SEPTIN14: variants seen among roughly 807,000 people sequenced by gnomAD.
SEPTIN14 encodes septin-14.
A neutral mutation model predicts 53.6 loss-of-function variants in SEPTIN14; 40 were observed. That is an observed-to-expected ratio of 0.75 (90% confidence interval 0.58 to 0.97). SEPTIN14 has a LOEUF of 0.97. Among genes scored for constraint, SEPTIN14 ranks in the 50% least tolerant of loss-of-function variants. SEPTIN14 has a pLI of 0.00. For synonymous variants in SEPTIN14, 138 were observed against 166.8 expected (o/e 0.83, Z 1.33); for missense variants, 471 against 508.2 (o/e 0.93, Z 0.70).
At chr7:55,818,861 C>T (rs1244103278) in intron 7 of SEPTIN14, among the ~76,000 whole-genome samples, 1 of 152,102 alleles carries the variant, frequency 6.6e-6, no homozygotes, top group Non-Finnish European at 1.5e-5. Context: ...ACATTGGGAG[C>T]GTTGGGATAG....
chr7:55,801,256 A>G, intron 9 of SEPTIN14, among the ~76,000 whole-genome samples: 1 of 152,036 alleles, frequency 6.6e-6, no homozygotes, highest in East Asian at 1.9e-4. Context: ...CAATGAACTA[A>G]GTGTTTTTTA....
rs564859067 is a variant in SEPTIN14 at position 55,845,818 on chromosome 7, G to A, written c.175+699C>T. 3.0e-3 allele frequency among the ~76,000 whole-genome samples: 461 copies of A among 151,494 alleles called. 9 individuals are homozygous for A. In the Middle Eastern group the frequency reaches 0.031, roughly 10 times the overall value. Reference sequence around the variant, plus strand: ...TAATCCCAGCACTTTGGGAGGCTGAGGCGGGCGGATCACGAGGTCAGGAGA... The same window carrying A: ...TAATCCCAGCACTTTGGGAGGCTGAAGCGGGCGGATCACGAGGTCAGGAGA... On this transcript the variant is annotated intron_variant, in intron 3 of 9. Transcript: ENST00000388975.
chr7:55,802,187 T>A (rs1448598544), intron 9 of SEPTIN14, among the ~76,000 whole-genome samples: 1 of 152,038 alleles, frequency 6.6e-6, no homozygotes, highest in African/African-American at 2.4e-5. Flanking sequence ...ATATTTTTAG[T>A]AGAGATGGGG....
At chr7:55,837,560 T>C (rs1001585164) in intron 5 of SEPTIN14, among the ~76,000 whole-genome samples, 2 of 152,076 alleles carry the variant, frequency 1.3e-5, no homozygotes, top group Admixed American at 6.6e-5. Context: ...GCAGGCAGCT[T>C]GAACCCACTA....
At chr7:55,805,462 T>G (rs13233180) in intron 8 of SEPTIN14, 72 bp from the exon 9 acceptor site, 587,166 of 1,133,108 alleles carry the variant, frequency 0.52, 162,718 homozygotes, top group African/African-American at 0.9. Context: ...GGAGGCGGAG[T>G]TTGCAGAGAA....
At chr7:55,842,917 A>AG in intron 5 of SEPTIN14, 25 bp downstream of exon 5, 1 of 1,439,962 alleles carries the variant, frequency 6.9e-7, no homozygotes, top group South Asian at 1.4e-5. Flanking sequence ...CAAAAAAAAA[A>AG]AGATGGTAGA....
In SEPTIN14 at chr7:55,854,739, T is replaced by C. The variant is rs1789583690; in HGVS notation, c.54+7204A>G. 2.0e-5 allele frequency among the ~76,000 whole-genome samples: 3 copies of C among 151,892 alleles called. No individual in the cohort carries two copies. The South Asian group carries it at 6.2e-4, about 32-fold the overall frequency. ...TACCACACCCGGCCTGTACTGGAGG[T>C]TCTTACCAGTCAATAAGGCAAACAA... On this transcript the variant is annotated intron_variant, in intron 2 of 9. Transcript: ENST00000388975.
At chr7:55,806,176 T>A (rs1304230440) in intron 8 of SEPTIN14, among the ~76,000 whole-genome samples, 1 of 151,900 alleles carries the variant, frequency 6.6e-6, no homozygotes, top group East Asian at 1.9e-4. Context: ...TTTTTTTGTA[T>A]TTTTAGTAGG....
At chr7:55,856,942 T>C (rs1789638947) in intron 2 of SEPTIN14, among the ~76,000 whole-genome samples, 2 of 151,438 alleles carry the variant, frequency 1.3e-5, no homozygotes, top group African/African-American at 4.9e-5. Flanking sequence ...GCGTGGTGCA[T>C]GCCTGTAATC....
intron 6 of SEPTIN14, among the ~76,000 whole-genome samples, chr7:55,822,574 A>G (rs1788915265): frequency 6.6e-6 from 1 of 152,242 alleles, no homozygotes; most frequent in Non-Finnish European, 1.5e-5. Context: ...AGAGCAGAGC[A>G]GAGAGCCCAG....
chr7:55,848,404 C>T (rs1319129580), intron 2 of SEPTIN14, among the ~76,000 whole-genome samples: 5 of 152,026 alleles, frequency 3.3e-5, no homozygotes, highest in South Asian at 4.2e-4. Flanking sequence ...TCAGGTGATG[C>T]GCCTGCCTCG....
At chr7:55,839,240 T>C (rs1254175536) in intron 5 of SEPTIN14, among the ~76,000 whole-genome samples, 1 of 151,700 alleles carries the variant, frequency 6.6e-6, no homozygotes, top group Non-Finnish European at 1.5e-5. Context: ...GTACAAAAAA[T>C]TAGCCGGGCG....
At chr7:55,831,939 C>T (rs774207294) in intron 6 of SEPTIN14, among the ~76,000 whole-genome samples, 7 of 152,172 alleles carry the variant, frequency 4.6e-5, no homozygotes, top group Non-Finnish European at 7.3e-5. Context: ...CAGTGGCTCA[C>T]ACCTGTAATC....
intron 7 of SEPTIN14, among the ~76,000 whole-genome samples, chr7:55,816,861 T>C (rs181677277): frequency 6.6e-5 from 10 of 152,054 alleles, no homozygotes; most frequent in African/African-American, 2.4e-4. Context: ...CTATTATCAA[T>C]AAGACAAACA....
chr7:55,839,321 A>G (rs1789266021), intron 5 of SEPTIN14, among the ~76,000 whole-genome samples: 2 of 151,336 alleles, frequency 1.3e-5, no homozygotes, highest in African/African-American at 4.9e-5. Flanking sequence ...CCCGAGAGGC[A>G]GAGGTTGCAG....
intron 8 of SEPTIN14, 85 bp downstream of exon 8, chr7:55,807,005 A>T: frequency 3.4e-6 from 3 of 879,004 alleles, no homozygotes; most frequent in Non-Finnish European, 5.1e-6. Context: ...AAGTATAATT[A>T]TTCTCATATC....
intron 7 of SEPTIN14, among the ~76,000 whole-genome samples, chr7:55,818,788 T>C (rs1788839894): frequency 6.6e-6 from 1 of 152,200 alleles, no homozygotes; most frequent in South Asian, 2.1e-4. Flanking sequence ...TTCCATTTTG[T>C]TGAAAGTGCT....
At chr7:55,850,475 A>C (rs1425717684) in intron 2 of SEPTIN14, among the ~76,000 whole-genome samples, 1 of 152,202 alleles carries the variant, frequency 6.6e-6, no homozygotes, top group African/African-American at 2.4e-5. Flanking sequence ...TCTCAAAAAA[A>C]CAAACAAACG....
chr7:55,849,498 C>T (rs1372754408), intron 2 of SEPTIN14, among the ~76,000 whole-genome samples: 2 of 152,002 alleles, frequency 1.3e-5, no homozygotes, highest in Non-Finnish European at 2.9e-5. Context: ...GTAATCCCAG[C>T]ACTTTGGGAG....
Sources: allele counts gnomAD v4.1 joint callset (sites outside exome capture counted in the v4.1 genomes callset), GRCh38; gene constraint gnomAD v4.1.1; transcripts MANE v1.5; gene names NCBI Gene and HGNC (gene_info 2026-07-23, HGNC 2026-07-21).